Variants in AGAP1 observed in about 807,000 individuals in gnomAD.
AGAP1 encodes the protein arf-GAP with GTPase, ANK repeat and PH domain-containing protein 1.
A neutral mutation model predicts 105.3 loss-of-function variants in AGAP1; 29 were observed. The observed-to-expected ratio is 0.28, with a 90% confidence interval of 0.21 to 0.38. The LOEUF (loss-of-function observed/expected upper bound fraction) is 0.38, where lower values mean the gene tolerates loss of function less well. Ranked by LOEUF, AGAP1 falls within the 10% of genes least tolerant of loss-of-function variation. The pLI is 1.00. For missense variants in AGAP1, 998 were observed against 1,165.1 expected (o/e 0.86, Z 2.09); for synonymous variants, 509 against 485.9 (o/e 1.05, Z -0.63).
chr2:236,097,862 A>G (rs192772864), intron 16 of AGAP1, among the ~76,000 whole-genome samples: 1 of 152,082 alleles, frequency 6.6e-6, no homozygotes, highest in Non-Finnish European at 1.5e-5. Context: ...CTCCTTCTCT[A>G]TGAAATGACG....
intron 1 of AGAP1, among the ~76,000 whole-genome samples, chr2:235,649,009 G>A (rs533965685): frequency 2.0e-5 from 3 of 152,158 alleles, no homozygotes; most frequent in Non-Finnish European, 2.9e-5. Flanking sequence ...TGGGGGACTC[G>A]GAACAGGGTT....
chr2:235,680,343 G>C (rs1948996213), intron 1 of AGAP1, among the ~76,000 whole-genome samples: 1 of 152,210 alleles, frequency 6.6e-6, no homozygotes, highest in African/African-American at 2.4e-5. Flanking sequence ...TTGTAGGGGT[G>C]GGACAGGGCA....
At position 235,689,388 on chromosome 2, in the gene AGAP1, G is replaced by C. The variant is rs577885509; in HGVS notation, c.164-19791G>C. On this transcript the variant is annotated intron_variant, in intron 1 of 17. Transcript: ENST00000304032. The surrounding 1 kb of genome is among the most constrained non-coding windows in gnomAD (Gnocchi z 4.2). ...CCCGTAGGGTCTCCAGCACAATACC[G>C]GGTTAGTGAGCAGAAAGTAGTGCAC... Among the ~76,000 whole-genome samples the C allele has an allele frequency of 7.9e-5, 12 of 152,344 alleles. No individual in the cohort carries two copies. In the East Asian group the frequency reaches 2.1e-3, roughly 27 times the overall value.
rs958590875 is a variant in AGAP1, at chr2:236,062,949, C to T, written c.2114+13668C>T. ...TGCTGGGATTACAAGTATGAGCCAC[C>T]GTGCCTGGCCATCAGCTATTTTTTT... On this transcript the variant is annotated intron_variant, in intron 16 of 17. Transcript: ENST00000304032. This position sits in a 1 kb window ranked among gnomAD's most constrained non-coding sequence, Gnocchi z 4.2. Among the ~76,000 whole-genome samples, 2 of 152,054 alleles carry T rather than the reference C, an allele frequency of 1.3e-5. No individual in the cohort carries two copies. Among genetic ancestry groups the T allele is most frequent in the East Asian group, 1.9e-4 (1 of 5,166 alleles).
chr2:236,099,032 C>T (rs1042199055), intron 16 of AGAP1, among the ~76,000 whole-genome samples: 7 of 151,946 alleles, frequency 4.6e-5, no homozygotes, highest in African/African-American at 9.7e-5. Flanking sequence ...CAGACTAGCC[C>T]CACCTCCCCA....
intron 12 of AGAP1, among the ~76,000 whole-genome samples, chr2:235,946,744 G>C (rs1034169828): frequency 6.6e-6 from 1 of 152,024 alleles, no homozygotes; most frequent in South Asian, 2.1e-4. Flanking sequence ...CATTGAAATC[G>C]CCAGGCGTCA....
At chr2:235,834,218 A>G (rs759723695) in intron 9 of AGAP1, among the ~76,000 whole-genome samples, 1 of 152,164 alleles carries the variant, frequency 6.6e-6, no homozygotes, top group Non-Finnish European at 1.5e-5. Flanking sequence ...TTCTTTAGCT[A>G]CTTCCACAGG....
intron 6 of AGAP1, among the ~76,000 whole-genome samples, chr2:235,779,810 G>A (rs1423783714): frequency 1.3e-5 from 2 of 152,232 alleles, no homozygotes; most frequent in Non-Finnish European, 2.9e-5. Context: ...GAAACTGGAA[G>A]CTCATGGCTG....
chr2:235,594,866 G>T (rs1464005947), intron 1 of AGAP1, among the ~76,000 whole-genome samples: 1 of 148,058 alleles, frequency 6.8e-6, no homozygotes, highest in Non-Finnish European at 1.5e-5. Context: ...GAGCCACTGC[G>T]CCCGGCCCAG....
intron 6 of AGAP1, among the ~76,000 whole-genome samples, chr2:235,791,419 C>T (rs934861565): frequency 6.6e-6 from 1 of 152,012 alleles, no homozygotes; most frequent in African/African-American, 2.4e-5. Flanking sequence ...TTTTTCTTTT[C>T]TTTTCTTTTT....
At chr2:235,811,000 G>A (rs1575527487) in intron 9 of AGAP1, among the ~76,000 whole-genome samples, 1 of 152,120 alleles carries the variant, frequency 6.6e-6, no homozygotes, top group East Asian at 1.9e-4. Flanking sequence ...TGCAGTGGGA[G>A]TTAGGGAGCT....
intron 1 of AGAP1, among the ~76,000 whole-genome samples, chr2:235,522,625 G>A (rs1028913496): frequency 2.6e-5 from 4 of 152,084 alleles, no homozygotes; most frequent in African/African-American, 9.7e-5. Context: ...ATGAGGGAGC[G>A]ATTGCAGGGA....
intron 1 of AGAP1, among the ~76,000 whole-genome samples, chr2:235,546,969 C>G (rs1275319608): frequency 6.6e-6 from 1 of 152,210 alleles, no homozygotes; most frequent in East Asian, 1.9e-4. Flanking sequence ...CCCGTAGGGA[C>G]CTGCTGTGGC....
At position 236,105,071 on chromosome 2, in the gene AGAP1, G is replaced by C. The variant is rs775090219; in HGVS notation, c.2115-15121G>C. ...GGCTGCTGGGTGGGAAGATAAAGCT[G>C]AGTTCCTTCTGTCTGTCTCGGTGAG... On this transcript the variant is annotated intron_variant, in intron 16 of 17. Coordinates refer to ENST00000304032, the MANE Select transcript of AGAP1 (RefSeq NM_001037131.3). The surrounding 1 kb of genome is among the most constrained non-coding windows in gnomAD (Gnocchi z 4.2). Among the ~76,000 whole-genome samples, 6 of 152,096 alleles carry C rather than the reference G, an allele frequency of 3.9e-5. No individual in the cohort carries two copies. The highest frequency in any genetic ancestry group is 7.2e-5 in the African/African-American group (3 of 41,426).
At chr2:235,912,608 A>G (rs1330539431) in intron 11 of AGAP1, among the ~76,000 whole-genome samples, 1 of 152,150 alleles carries the variant, frequency 6.6e-6, no homozygotes, top group Non-Finnish European at 1.5e-5. Flanking sequence ...TATGAGCCTA[A>G]ATCTTTGTGG....
In AGAP1 at chr2:235,726,986, TA is replaced by T. The variant is rs373567032; in HGVS notation, c.310+9343del. ...TGCCCAGCAAGGTCTCCCCACTTGGTAGCAAGCCCTTCATGGTGGTTTCGGT... is the reference window on the plus strand; with the variant it reads ...TGCCCAGCAAGGTCTCCCCACTTGGTGCAAGCCCTTCATGGTGGTTTCGGT... On this transcript the variant is annotated intron_variant, in intron 3 of 17. Transcript: ENST00000304032. 1.2e-4 allele frequency among the ~76,000 whole-genome samples: 18 copies of T among 152,302 alleles called. No homozygotes were observed. The East Asian group carries it at 3.5e-3, about 29-fold the overall frequency.
rs577943113 is a variant in AGAP1 at position 236,040,643 on chromosome 2, C to T, written c.1801-108C>T. The T allele has an allele frequency of 1.5e-4, 130 of 841,222 alleles. 4 individuals are homozygous for T. In the South Asian group the frequency reaches 2.0e-3, roughly 13 times the overall value. The allele number at this position is 841,222 out of a possible 1,614,324, so 52.1% of individuals were successfully genotyped here. On this transcript the variant is annotated intron_variant, in intron 14 of 17. Coordinates refer to ENST00000304032, the MANE Select transcript of AGAP1 (RefSeq NM_001037131.3). This position sits in a 1 kb window ranked among gnomAD's most constrained non-coding sequence, Gnocchi z 5.6. The stretch of plus-strand genomic sequence containing the variant: ...AGAGTGATTGTTTAGAAATTACCCT[C>T]GTCCTACATTTGCTCCCAATCTGTT...
rs770626614 is a variant in AGAP1 at position 236,040,805 on chromosome 2, C to A, written c.1855C>A (p.Arg619Ser). The A allele has an allele frequency of 1.2e-6, 2 of 1,614,040 alleles. No homozygotes were observed. Among genetic ancestry groups the A allele is most frequent in the Admixed American group, 1.7e-5 (1 of 60,026 alleles). ...AMALQSIRNM[R>S]GNSHCVDCET... ...GGCCCTGCAGTCGATCCGGAACATGCGCGGGAACTCCCACTGTGTGGACTG... is the reference window on the plus strand; with the variant it reads ...GGCCCTGCAGTCGATCCGGAACATGAGCGGGAACTCCCACTGTGTGGACTG... The change falls in exon 15 of 18, where the codon CGC becomes AGC. Residue 619 changes from arginine (R) to serine (S), a missense_variant. Coordinates refer to ENST00000304032, the MANE Select transcript of AGAP1 (RefSeq NM_001037131.3). This position sits in a 1 kb window ranked among gnomAD's most constrained non-coding sequence, Gnocchi z 5.6.
rs59735813 is a variant in AGAP1 at position 235,859,393 on chromosome 2, T to TC, written c.1051-23938dup. Among the ~76,000 whole-genome samples the TC allele has an allele frequency of 3.3e-3, 80 of 24,222 alleles. No individual in the cohort carries two copies. In the East Asian group the frequency reaches 0.045, roughly 14 times the overall value. The allele number at this position is 24,222 out of a possible 152,430, so 15.9% of individuals were successfully genotyped here. A position where few individuals can be genotyped will look rare whatever the true frequency, so the allele number is the denominator to read the frequency against. ...AATCTGCAACTCTCCCCCCACAACC[T>TC]CCCCCCCCCCCCCCGCCTTTTGTTC... On this transcript the variant is annotated intron_variant, in intron 9 of 17. Transcript: ENST00000304032.
Sources: allele counts gnomAD v4.1 joint callset (sites outside exome capture counted in the v4.1 genomes callset), GRCh38; gene constraint gnomAD v4.1.1; non-coding constraint Gnocchi (gnomAD v3.1); transcripts MANE v1.5; gene names NCBI Gene and HGNC (gene_info 2026-07-23, HGNC 2026-07-21).